Variants in NOX4 observed in about 807,000 individuals in gnomAD.
The protein encoded by NOX4 is kidney oxidase-1.
Under a neutral mutation model 87.6 loss-of-function variants are expected in NOX4, and 69 were observed. The observed-to-expected ratio is 0.79, with a 90% CI of 0.65 to 0.96. The LOEUF is 0.96. Ranked by LOEUF, NOX4 falls within the 40% of genes least tolerant of loss-of-function variation. The probability of loss-of-function intolerance (pLI) is 0.00; values close to 1 mark genes in which losing one functional copy is unlikely to be tolerated. For missense variants in NOX4, 680 were observed against 681.5 expected, an observed-to-expected ratio of 1.00 and a Z score of 0.02; for synonymous variants, 275 against 238.2, an observed-to-expected ratio of 1.15 and a Z score of -1.42.
At chr11:89,423,516 G>A (rs1224860903) in intron 7 of NOX4, among the ~76,000 whole-genome samples, 3 of 151,978 alleles carry the variant, frequency 2.0e-5, no homozygotes, top group Admixed American at 6.6e-5. Flanking sequence ...GCTTTTTACT[G>A]ACTTTGTCCC....
chr11:89,561,019 T>TATATATAC, the NOX4 span, among the ~76,000 whole-genome samples: 6 of 102,256 alleles, frequency 5.9e-5, no homozygotes, highest in Non-Finnish European at 9.4e-5. Context: ...TATATATATA[T>TATATATAC]ACATACACAC....
At chr11:89,461,591 G>A (rs1243980118) in intron 2 of NOX4, among the ~76,000 whole-genome samples, 1 of 151,412 alleles carries the variant, frequency 6.6e-6, no homozygotes, top group Admixed American at 6.6e-5. Flanking sequence ...CTTGCAGTGA[G>A]CCGAGATCGC....
At chr11:89,392,507 C>A (rs555872175) in intron 11 of NOX4, among the ~76,000 whole-genome samples, 1 of 152,258 alleles carries the variant, frequency 6.6e-6, no homozygotes, top group East Asian at 1.9e-4. Flanking sequence ...TCTCCAAGAA[C>A]AATGTACTGT....
chr11:89,474,151 C>T (rs532837631), intron 2 of NOX4, among the ~76,000 whole-genome samples: 97 of 152,072 alleles, frequency 6.4e-4, no homozygotes, highest in African/African-American at 1.9e-3. Context: ...TACTTTTGCG[C>T]CAACCTATTA....
At chr11:89,451,439 C>T (rs935570673) in intron 3 of NOX4, among the ~76,000 whole-genome samples, 1 of 152,158 alleles carries the variant, frequency 6.6e-6, no homozygotes, top group Admixed American at 6.6e-5. Context: ...CTGTCATTCC[C>T]TAGTCTCGAA....
Position 89,449,420 on chromosome 11 carries a change from A to T in NOX4, c.349+20T>A, listed in dbSNP as rs1326334094. The T allele has an allele frequency of 6.5e-7, 1 of 1,526,832 alleles. No homozygotes were observed. The highest frequency in any genetic ancestry group is 2.3e-5 in the East Asian group (1 of 43,902). The allele number at this position is 1,526,832 out of a possible 1,614,324, so 94.6% of individuals were successfully genotyped here. A position where few individuals can be genotyped will look rare whatever the true frequency, so the allele number is the denominator to read the frequency against. ...ATGTGTAATTCTAACAAATTATTTA[A>T]TATCTTGTGGCTTTCTCACCTGAGA... is the stretch of plus-strand genomic sequence containing the variant. On this transcript the variant is annotated intron_variant, in intron 4 of 17. Coordinates refer to ENST00000263317, the MANE Select transcript of NOX4 (RefSeq NM_016931.5).
chr11:89,533,798 G>A, the NOX4 span: 1 of 152,174 alleles, frequency 6.6e-6, no homozygotes, highest in Non-Finnish European at 1.5e-5. Flanking sequence ...TGTAAAGACT[G>A]TTGATTCTAC....
At position 89,384,372 on chromosome 11, in the gene NOX4, C is replaced by A. The variant is rs1308716613; in HGVS notation, c.1075-10880G>T. ...ACTGCCACAAGGCTTCACGGACAGC[C>A]CCCATTACTTCCGTCAAGCCTAAAT... On this transcript the variant is annotated intron_variant, in intron 11 of 17. Transcript: ENST00000263317. 2.6e-5 allele frequency among the ~76,000 whole-genome samples: 4 copies of A among 152,274 alleles called. No homozygotes were observed. The South Asian group carries it at 8.3e-4, about 32-fold the overall frequency.
At chr11:89,422,717 T>G (rs554002697) in intron 7 of NOX4, among the ~76,000 whole-genome samples, 1 of 152,256 alleles carries the variant, frequency 6.6e-6, no homozygotes, top group South Asian at 2.1e-4. Context: ...AAGCAATTGC[T>G]TTACATTTAC....
At chr11:89,518,648 A>G in the NOX4 span, among the ~76,000 whole-genome samples, 4 of 151,986 alleles carry the variant, frequency 2.6e-5, no homozygotes, top group Non-Finnish European at 5.9e-5. Flanking sequence ...AAGGAAAAAT[A>G]TGTGAAAAAT....
chr11:89,331,481 T>C (rs1418380279), intron 17 of NOX4, among the ~76,000 whole-genome samples: 1 of 151,606 alleles, frequency 6.6e-6, no homozygotes, highest in East Asian at 1.9e-4. Flanking sequence ...TATATGAAAA[T>C]AAATGATGTT....
At chr11:89,356,572 T>C (rs1938073732) in intron 12 of NOX4, among the ~76,000 whole-genome samples, 1 of 152,130 alleles carries the variant, frequency 6.6e-6, no homozygotes, top group Non-Finnish European at 1.5e-5. Context: ...AAAGGCTTCC[T>C]TGATCCCTCC....
intron 11 of NOX4, among the ~76,000 whole-genome samples, chr11:89,396,299 T>A (rs1323068191): frequency 6.6e-6 from 1 of 152,196 alleles, no homozygotes; most frequent in East Asian, 1.9e-4. Context: ...GATTTGGCTC[T>A]CTGTTTGTCT....
intron 2 of NOX4, among the ~76,000 whole-genome samples, chr11:89,459,254 C>A (rs996215585): frequency 3.3e-5 from 5 of 151,710 alleles, no homozygotes; most frequent in African/African-American, 1.2e-4. Flanking sequence ...ACTGAGTAAA[C>A]AGGAACGTAA....
At chr11:89,547,313 T>C in the NOX4 span, among the ~76,000 whole-genome samples, 2 of 152,134 alleles carry the variant, frequency 1.3e-5, no homozygotes, top group African/African-American at 2.4e-5. Context: ...ATTAATGAGG[T>C]ACAGTAAATT....
chr11:89,529,823 G>A, the NOX4 span, among the ~76,000 whole-genome samples: 1 of 152,126 alleles, frequency 6.6e-6, no homozygotes, highest in African/African-American at 2.4e-5. Context: ...AATCAGAGCT[G>A]TTTATCAAAC....
intron 2 of NOX4, among the ~76,000 whole-genome samples, chr11:89,475,842 T>C (rs553583782): frequency 1.4e-4 from 21 of 152,202 alleles, no homozygotes; most frequent in African/African-American, 5.1e-4. Flanking sequence ...CACTACTAAC[T>C]GGCCCCAAAC....
intron 2 of NOX4, among the ~76,000 whole-genome samples, chr11:89,482,394 C>A (rs537537496): frequency 4.8e-4 from 73 of 152,186 alleles, no homozygotes; most frequent in Admixed American, 7.2e-4. Flanking sequence ...TGGACACAAT[C>A]TTTAAAGGGG....
At chr11:89,360,120 A>G (rs920484510) in intron 12 of NOX4, among the ~76,000 whole-genome samples, 4 of 152,078 alleles carry the variant, frequency 2.6e-5, no homozygotes, top group African/African-American at 9.7e-5. Flanking sequence ...TCATACCCCA[A>G]AAAGGGTCAA....
Sources: allele counts gnomAD v4.1 joint callset (sites outside exome capture counted in the v4.1 genomes callset), GRCh38; gene constraint gnomAD v4.1.1; transcripts MANE v1.5; gene names NCBI Gene and HGNC (gene_info 2026-07-23, HGNC 2026-07-21).